Variants in AK3 observed in about 807,000 individuals in gnomAD.
AK3 encodes the protein adenylate kinase 3.
In AK3, 27 loss-of-function variants were observed where a neutral mutation model predicts 23.7. That is an observed-to-expected ratio of 1.14 (90% CI 0.84 to 1.57). AK3 has a LOEUF of 1.57. Among genes scored for constraint, AK3 ranks in the 40% most tolerant of loss-of-function variants. The pLI is 0.00. For synonymous variants in AK3, 159 were observed against 116.0 expected, an observed-to-expected ratio of 1.37 and a Z score of -2.38; for missense variants, 406 against 285.6, an observed-to-expected ratio of 1.42 and a Z score of -3.04.
intron 4 of AK3, among the ~76,000 whole-genome samples, chr9:4,718,098 C>A (rs76440675): frequency 6.6e-6 from 1 of 152,194 alleles, no homozygotes; most frequent in African/African-American, 2.4e-5. Flanking sequence ...GGAAAGGTTA[C>A]CCCTCAGCCC....
chr9:4,730,978 T>C (rs1284008235), intron 1 of AK3, among the ~76,000 whole-genome samples: 1 of 107,842 alleles, frequency 9.3e-6, no homozygotes. Flanking sequence ...ACCCAGTTTC[T>C]GCTACCAGAT....
At chr9:4,735,794 A>AT (rs71326129) in intron 1 of AK3, among the ~76,000 whole-genome samples, 130,692 of 150,810 alleles carry the variant, frequency 0.87, 56,768 homozygotes, top group East Asian at 0.94. Context: ...AAAGAAAAAA[A>AT]TTTTAAAAGA....
chr9:4,713,291 C>T (rs1434633793), intron 4 of AK3, among the ~76,000 whole-genome samples, 195 bp from the exon 5 acceptor site: 1 of 152,106 alleles, frequency 6.6e-6, no homozygotes. Context: ...TGCTCTCTGG[C>T]TTACAAAAAT....
intron 3 of AK3, 145 bp downstream of exon 3, chr9:4,718,990 G>C (rs376858625): frequency 2.6e-5 from 23 of 878,786 alleles, no homozygotes; most frequent in Non-Finnish European, 3.6e-5. Context: ...CAGTGGACTT[G>C]ATCAGTCAAC....
chr9:4,741,278 G>A, upstream of AK3: 1 of 516,306 alleles, frequency 1.9e-6, no homozygotes, highest in Non-Finnish European at 3.0e-6. Flanking sequence ...CCGCTGTTGC[G>A]TCCGCCTCTC....
At chr9:4,729,888 T>C (rs1263309018) in intron 1 of AK3, among the ~76,000 whole-genome samples, 3 of 150,320 alleles carry the variant, frequency 2.0e-5, no homozygotes, top group Non-Finnish European at 3.0e-5. Flanking sequence ...TGAATGTTCA[T>C]AGTGGCATTA....
chr9:4,718,335 G>C, intron 4 of AK3, 84 bp downstream of exon 4: 2 of 987,060 alleles, frequency 2.0e-6, no homozygotes, highest in African/African-American at 1.6e-5. Context: ...TGGCATTTTA[G>C]CATTTCAGCT....
At chr9:4,721,943 G>C (rs79374951) in intron 2 of AK3, among the ~76,000 whole-genome samples, 3,043 of 152,288 alleles carry the variant, frequency 0.02, 97 homozygotes, top group African/African-American at 0.067. Flanking sequence ...GAGTGCACGC[G>C]TGCCTGTGTG....
chr9:4,719,091 T>C (rs1841818796), intron 3 of AK3, 44 bp downstream of exon 3: 1 of 1,607,236 alleles, frequency 6.2e-7, no homozygotes, highest in Admixed American at 1.7e-5. Context: ...GCAAGAGGAC[T>C]CAGGGACAGT....
At chr9:4,724,570 A>G (rs1168340613) in intron 1 of AK3, among the ~76,000 whole-genome samples, 8 of 152,180 alleles carry the variant, frequency 5.3e-5, no homozygotes, top group African/African-American at 1.9e-4. Context: ...TCTAAAGCCA[A>G]CGGTTTGAGA....
At chr9:4,738,965 G>A (rs894277774) in intron 1 of AK3, among the ~76,000 whole-genome samples, 5 of 151,578 alleles carry the variant, frequency 3.3e-5, no homozygotes, top group African/African-American at 1.2e-4. Flanking sequence ...TAGAGACGGG[G>A]GTTTCGTCAT....
chr9:4,735,502 G>C (rs1412174069), intron 1 of AK3, among the ~76,000 whole-genome samples: 1 of 82,318 alleles, frequency 1.2e-5, no homozygotes, highest in Non-Finnish European at 2.4e-5. Context: ...TTTGGAAACA[G>C]AGTCTCACTG....
At chr9:4,729,884 T>C (rs558677955) in intron 1 of AK3, among the ~76,000 whole-genome samples, 1 of 151,418 alleles carries the variant, frequency 6.6e-6, no homozygotes, top group South Asian at 2.1e-4. Flanking sequence ...TAAATGAATG[T>C]TCATAGTGGC....
intron 2 of AK3, among the ~76,000 whole-genome samples, chr9:4,719,594 A>G (rs1029968309): frequency 9.2e-5 from 14 of 152,190 alleles, no homozygotes; most frequent in African/African-American, 3.1e-4. Flanking sequence ...GCAGACTGAT[A>G]AAGTACATTG....
rs1383030862 is a variant in AK3 at position 4,712,814 on chromosome 9, C to T, written c.*162G>A. 1.4e-6 allele frequency: 1 copy of T among 720,448 alleles called. No individual in the cohort carries two copies. The highest frequency in any genetic ancestry group is 2.1e-6 in the Non-Finnish European group (1 of 475,510). 44.6% of individuals were successfully genotyped at this position (720,448 alleles called of 1,614,324 possible). A position where few individuals can be genotyped will look rare whatever the true frequency, so the allele number is the denominator to read the frequency against. ...AAACGATGCATCTTAGTATCCGAAT[C>T]ATTTGGCACATCCTTAGTATCCAAA... On this transcript the variant is annotated 3_prime_UTR_variant, in exon 5 of 5. Coordinates refer to ENST00000381809, the MANE Select transcript of AK3 (RefSeq NM_016282.4).
At chr9:4,735,476 ATATT>A (rs1235315079) in intron 1 of AK3, among the ~76,000 whole-genome samples, 2 of 87,288 alleles carry the variant, frequency 2.3e-5, no homozygotes, top group Admixed American at 1.6e-4. Flanking sequence ...GTATATATAT[ATATT>A]TTTTTTTTTT....
intron 3 of AK3, among the ~76,000 whole-genome samples, 186 bp from the exon 4 acceptor site, chr9:4,718,723 T>C (rs1841805656): frequency 6.6e-6 from 1 of 152,186 alleles, no homozygotes; most frequent in African/African-American, 2.4e-5. Flanking sequence ...TACGCCAGTT[T>C]CATTTCTACA....
intron 1 of AK3, among the ~76,000 whole-genome samples, chr9:4,728,532 C>A (rs920450867): frequency 1.3e-5 from 2 of 152,198 alleles, no homozygotes; most frequent in African/African-American, 4.8e-5. Flanking sequence ...ATAGCTGCCA[C>A]TGCACTCCAG....
chr9:4,729,240 C>A (rs1023125516), intron 1 of AK3, among the ~76,000 whole-genome samples: 1 of 151,988 alleles, frequency 6.6e-6, no homozygotes, highest in African/African-American at 2.4e-5. Context: ...GAACTCCTGA[C>A]TTTGGGTGAT....
Sources: gnomAD v4.1 joint callset for allele counts (sites outside exome capture counted in the v4.1 genomes callset) on GRCh38, gnomAD v4.1.1 for gene constraint, MANE v1.5 for transcripts, NCBI Gene and HGNC (gene_info 2026-07-23, HGNC 2026-07-21) for gene names.